RC3H2: variants seen among roughly 807,000 people sequenced by gnomAD.
RC3H2 encodes the protein roquin-2.
A neutral mutation model predicts 133.3 loss-of-function variants in RC3H2; 31 were observed. The ratio of observed to expected loss-of-function variants is 0.23; its 90% CI spans 0.17 to 0.31. RC3H2 has a LOEUF of 0.31. RC3H2 is among the 10% of genes least tolerant of loss of function. RC3H2 has a pLI of 1.00. For missense variants in RC3H2, 1,175 were observed against 1,437.2 expected (o/e 0.82, Z 2.95); for synonymous variants, 517 against 502.2 (o/e 1.03, Z -0.40).
intron 11 of RC3H2, 29 bp from the exon 12 acceptor site, chr9:122,859,131 T>C: frequency 6.7e-7 from 1 of 1,492,784 alleles, no homozygotes; most frequent in Non-Finnish European, 9.0e-7. Context: ...GAATATTTAA[T>C]GTAATCTTAG....
intron 13 of RC3H2, among the ~76,000 whole-genome samples, chr9:122,856,178 A>G (rs78980512): frequency 3.3e-5 from 5 of 150,098 alleles, no homozygotes; most frequent in African/African-American, 1.2e-4. Context: ...GTGCACCAAG[A>G]AAAAAAAAAG....
intron 18 of RC3H2, chr9:122,851,680 G>C (rs1484398733): frequency 1.8e-5 from 8 of 437,884 alleles, no homozygotes; most frequent in Non-Finnish European, 4.1e-6. Flanking sequence ...TATTTTTTTG[G>C]TGGAGACGGG....
rs573776369 is a variant in RC3H2, at chr9:122,850,609, A to AT, written c.3380+471dup. On this transcript the variant is annotated intron_variant, in intron 20 of 20. Transcript: ENST00000357244. ...AGGTGCCCGCCACTATGCCCAGCTA[A>AT]TTTTTTTGTATTTTTGTAGAGACAG... Among the ~76,000 whole-genome samples the AT allele has an allele frequency of 3.4e-4, 52 of 151,356 alleles. No homozygotes were observed. In the East Asian group the frequency reaches 0.01, roughly 29 times the overall value.
At position 122,880,803 on chromosome 9, in the gene RC3H2, T is replaced by C. The variant is rs1176980028; in HGVS notation, c.760-9A>G. 1.9e-6 allele frequency: 3 copies of C among 1,603,946 alleles called. No homozygotes were observed. Among genetic ancestry groups the C allele is most frequent in the South Asian group, 1.1e-5 (1 of 90,866 alleles). On this transcript the variant is annotated splice_polypyrimidine_tract_variant and intron_variant, in intron 5 of 20. Transcript: ENST00000357244. Reference sequence around the variant, plus strand: ...TCATCTCTTTTGGTAACCTAAAAAATAGAAAAGAGAAAAATCAGAATTGGT... The same window carrying C: ...TCATCTCTTTTGGTAACCTAAAAAACAGAAAAGAGAAAAATCAGAATTGGT...
At chr9:122,902,647 T>A (rs1832700598) in intron 1 of RC3H2, among the ~76,000 whole-genome samples, 1 of 151,964 alleles carries the variant, frequency 6.6e-6, no homozygotes. Flanking sequence ...AGGTCATGAG[T>A]TCCAGACCAG....
chr9:122,874,926 G>T (rs1044063703), intron 9 of RC3H2: 1 of 414,674 alleles, frequency 2.4e-6, no homozygotes, highest in Non-Finnish European at 4.3e-6. Context: ...GAAGGTATGA[G>T]AAAGAAGAAA....
chr9:122,852,266 G>A (rs1231907028), intron 18 of RC3H2, among the ~76,000 whole-genome samples: 6 of 146,942 alleles, frequency 4.1e-5, no homozygotes, highest in East Asian at 2.1e-4. Flanking sequence ...CCCGGCAGCC[G>A]CCCCGTATGA....
rs1793728275 is a variant in RC3H2, at chr9:122,865,773, AG to A, written c.1326-117del. 3.7e-6 allele frequency: 3 copies of A among 806,362 alleles called. No homozygotes were observed. In the Admixed American group the frequency reaches 8.1e-5, roughly 22 times the overall value. The allele number at this position is 806,362 out of a possible 1,614,324, so 50.0% of individuals were successfully genotyped here. ...AAAGGAGGAAACAGTTTTGACAAAA[AG>A]TTTCTTCAGCTAAATAATCAAATAC... On this transcript the variant is annotated intron_variant, in intron 9 of 20. Transcript: ENST00000357244.
intron 2 of RC3H2, 81 bp from the exon 3 acceptor site, chr9:122,893,107 T>C (rs1449421426): frequency 1.3e-5 from 19 of 1,509,036 alleles, no homozygotes; most frequent in Admixed American, 6.2e-5. Flanking sequence ...TTGATAATAA[T>C]CTTGGTGAGT....
Position 122,855,869 on chromosome 9 carries a change from T to A in RC3H2, c.2464A>T (p.Ser822Cys). The A allele has an allele frequency of 1.9e-6, 3 of 1,611,790 alleles. No individual in the cohort carries two copies. The change falls in exon 14 of 21, where the codon AGT becomes TGT. Residue 822 changes from serine to cysteine, a missense_variant. Ser to Cys is a moderately radical substitution (Grantham distance 112, BLOSUM62 -1). This residue lies in a region of RC3H2 where 490 missense variants were observed against 492.8 expected (regional missense o/e 0.99). Coordinates refer to ENST00000357244, the MANE Select transcript of RC3H2 (RefSeq NM_001100588.3). ...TCTTCAAATTTTGTACCACTCACAC[T>A]CTCTGAGAACTGGTTAAAAAAAAAT... The part of the protein sequence containing the change: ...SVDFRADFSE[S>C]VSGTKFEEDH...
chr9:122,879,701 G>A, intron 8 of RC3H2, 54 bp downstream of exon 8: 2 of 1,179,672 alleles, frequency 1.7e-6, no homozygotes, highest in Non-Finnish European at 2.5e-6. Context: ...AAGATGTTCA[G>A]GATGAAACTG....
At chr9:122,855,442 C>T (rs2131387370) in intron 14 of RC3H2, 45 bp from the exon 15 acceptor site, 9 of 1,519,622 alleles carry the variant, frequency 5.9e-6, no homozygotes, top group Non-Finnish European at 7.3e-6. Context: ...TTGGCAATTA[C>T]TTCAGCTAGT....
intron 9 of RC3H2, among the ~76,000 whole-genome samples, chr9:122,868,840 TGTGTGTGTGTGTGTGTGTGTG>T (rs1830897693): frequency 8.5e-3 from 5 of 586 alleles, no homozygotes; most frequent in Non-Finnish European, 0.025. Flanking sequence ...CCCTCCTATA[TGTGTGTGTGTGTGTGTGTGTG>T]TGTGTGTGTG....
chr9:122,860,704 G>A (rs897513354), intron 10 of RC3H2, among the ~76,000 whole-genome samples: 1 of 151,526 alleles, frequency 6.6e-6, no homozygotes. Context: ...ATCAGCCACC[G>A]TGCCTGGCCA....
intron 4 of RC3H2, among the ~76,000 whole-genome samples, chr9:122,888,239 G>A (rs17220848): frequency 0.015 from 2,347 of 152,248 alleles, 34 homozygotes; most frequent in Non-Finnish European, 0.027. Context: ...TCAAAACACT[G>A]TGTTCTAAAG....
chr9:122,868,870 TGTGTGTGTGTGTGTGTGTGTATG>T, intron 9 of RC3H2, among the ~76,000 whole-genome samples: 1 of 65,064 alleles, frequency 1.5e-5, no homozygotes. Context: ...TGTGTGTGTG[TGTGTGTGTGTGTGTGTGTGTATG>T]TGTTTTTTTT....
At chr9:122,852,449 G>C (rs1163959585) in intron 18 of RC3H2, among the ~76,000 whole-genome samples, 1 of 148,400 alleles carries the variant, frequency 6.7e-6, no homozygotes, top group Non-Finnish European at 1.5e-5. Context: ...CGTCCGGGAG[G>C]TGAGGGGCGC....
intron 9 of RC3H2, among the ~76,000 whole-genome samples, chr9:122,876,084 G>A (rs1357564905): frequency 6.6e-6 from 1 of 152,184 alleles, no homozygotes; most frequent in African/African-American, 2.4e-5. Context: ...CACAAGGATG[G>A]AAAGAAGAAT....
chr9:122,892,240 T>G (rs1832209737), intron 3 of RC3H2, among the ~76,000 whole-genome samples: 1 of 152,130 alleles, frequency 6.6e-6, no homozygotes, highest in Non-Finnish European at 1.5e-5. Flanking sequence ...GTCTCCTCAG[T>G]AGCTGGGACT....
Sources: allele counts gnomAD v4.1 joint callset (sites outside exome capture counted in the v4.1 genomes callset), GRCh38; gene constraint gnomAD v4.1.1; regional missense constraint gnomAD v4.1.1; transcripts MANE v1.5; gene names NCBI Gene and HGNC (gene_info 2026-07-23, HGNC 2026-07-21).